PIAS2: variants seen among roughly 807,000 people sequenced by gnomAD.
The protein encoded by PIAS2 is E3 SUMO-protein ligase PIAS2.
A neutral mutation model predicts 69.7 loss-of-function variants in PIAS2; 19 were observed. The ratio of observed to expected loss-of-function variants is 0.27; its 90% CI spans 0.19 to 0.40. The LOEUF (loss-of-function observed/expected upper bound fraction) is 0.40, where lower values mean the gene tolerates loss of function less well. Ranked by LOEUF, PIAS2 falls within the 10% of genes least tolerant of loss-of-function variation. The pLI is 1.00. For synonymous variants in PIAS2, 261 were observed against 263.2 expected, an observed-to-expected ratio of 0.99 and a Z score of 0.08; for missense variants, 624 against 757.0, an observed-to-expected ratio of 0.82 and a Z score of 2.06.
intron 1 of PIAS2, among the ~76,000 whole-genome samples, chr18:46,916,402 T>TA (rs2057899784): frequency 6.7e-5 from 9 of 134,056 alleles, no homozygotes; most frequent in South Asian, 2.3e-4. Flanking sequence ...CTTGATACAT[T>TA]TAAAAAAAAA....
In PIAS2 at chr18:46,836,241, GA is replaced by G. The variant is rs1425590641; in HGVS notation, c.1202+115del. ...AAGACGGAAAACATACAAACATCTG[GA>G]TTTATGCTAGAGTAGAATTTATTTA... On this transcript the variant is annotated intron_variant, in intron 9 of 13. Coordinates refer to ENST00000585916, the MANE Select transcript of PIAS2 (RefSeq NM_004671.5). 6.4e-6 allele frequency: 5 copies of G among 775,688 alleles called. No individual in the cohort carries two copies. In the African/African-American group the frequency reaches 8.6e-5, roughly 13 times the overall value. 48.1% of individuals were successfully genotyped at this position (775,688 alleles called of 1,614,324 possible).
intron 1 of PIAS2, among the ~76,000 whole-genome samples, chr18:46,914,211 C>T (rs1599148463): frequency 6.6e-6 from 1 of 152,272 alleles, no homozygotes; most frequent in Middle Eastern, 3.4e-3. Context: ...TCTTTGAGCA[C>T]ACAGGCCACA....
chr18:46,846,697 G>C lies in PIAS2; in HGVS notation c.861+10C>G, dbSNP rs1283538485. The C allele has an allele frequency of 6.2e-7, 1 of 1,606,866 alleles. No individual in the cohort carries two copies. The highest frequency in any genetic ancestry group is 1.7e-5 in the Admixed American group (1 of 59,106). On this transcript the variant is annotated intron_variant, in intron 6 of 13. Transcript: ENST00000585916. ...TCACTGTCCTGCTACCCAAAACGGA[G>C]AGCTTTTACCTTCCCAATTTCTGAT...
chr18:46,896,144 T>A (rs2054830250), intron 1 of PIAS2, among the ~76,000 whole-genome samples: 3 of 67,668 alleles, frequency 4.4e-5, no homozygotes, highest in Non-Finnish European at 6.0e-5. Flanking sequence ...GGGGAAGCAT[T>A]ACAGGATAAA....
intron 2 of PIAS2, among the ~76,000 whole-genome samples, chr18:46,869,144 T>C (rs546721429): frequency 6.6e-6 from 1 of 152,214 alleles, no homozygotes; most frequent in Non-Finnish European, 1.5e-5. Flanking sequence ...TTATGGCAGA[T>C]TCCTGTTGTG....
chr18:46,910,674 T>G (rs1196200449), intron 1 of PIAS2, among the ~76,000 whole-genome samples: 1 of 152,160 alleles, frequency 6.6e-6, no homozygotes, highest in African/African-American at 2.4e-5. Context: ...CAAAGAAACC[T>G]TTCAGAATGT....
intron 9 of PIAS2, among the ~76,000 whole-genome samples, chr18:46,833,781 T>C (rs2044023194): frequency 6.6e-6 from 1 of 152,194 alleles, no homozygotes; most frequent in Non-Finnish European, 1.5e-5. Context: ...ATGGAACAAA[T>C]AGCAGTTCAG....
intron 11 of PIAS2, among the ~76,000 whole-genome samples, chr18:46,823,960 G>A (rs1466655948): frequency 1.3e-5 from 2 of 152,188 alleles, no homozygotes; most frequent in Non-Finnish European, 2.9e-5. Context: ...ATGGTGAAAT[G>A]ATGGATGTAA....
At position 46,804,921 on chromosome 18, in the gene PIAS2, G is replaced by A. The variant is rs1211962736; in HGVS notation, c.*7512C>T. On this transcript the variant is annotated 3_prime_UTR_variant, in exon 14 of 14. Coordinates refer to ENST00000585916, the MANE Select transcript of PIAS2 (RefSeq NM_004671.5). ...GCAGTAGAGAGGTGAGAGACATGGA[G>A]ATAAGAGAGGGGAAGTCTGACAGAG... The A allele has an allele frequency of 1.3e-5, 2 of 152,302 alleles. No homozygotes were observed. Among genetic ancestry groups the A allele is most frequent in the African/African-American group, 2.4e-5 (1 of 41,464 alleles). The allele number at this position is 152,302 out of a possible 1,614,324, so 9.4% of individuals were successfully genotyped here.
In PIAS2 at chr18:46,803,402, C is replaced by T. The variant is rs2040555598; in HGVS notation, c.*9031G>A. Reference sequence around the variant, plus strand: ...TTCTTGAAATACTCTATTTTTTGGCCTCTGTAATACCACGTTATTTTCCTT... The same window carrying T: ...TTCTTGAAATACTCTATTTTTTGGCTTCTGTAATACCACGTTATTTTCCTT... On this transcript the variant is annotated 3_prime_UTR_variant, in exon 14 of 14. Transcript: ENST00000585916. The T allele has an allele frequency of 6.6e-6, 1 of 152,106 alleles. No homozygotes were observed. The highest frequency in any genetic ancestry group is 2.4e-5 in the African/African-American group (1 of 41,420). The allele number at this position is 152,106 out of a possible 1,614,324, so 9.4% of individuals were successfully genotyped here. A position where few individuals can be genotyped will look rare whatever the true frequency, so the allele number is the denominator to read the frequency against.
At chr18:46,869,663 C>G (rs1170239487) in intron 2 of PIAS2, among the ~76,000 whole-genome samples, 1 of 152,162 alleles carries the variant, frequency 6.6e-6, no homozygotes, top group Non-Finnish European at 1.5e-5. Context: ...CTCATGTTAA[C>G]ATACTGGAGG....
chr18:46,909,028 G>T (rs2056959279), intron 1 of PIAS2, among the ~76,000 whole-genome samples: 2 of 151,882 alleles, frequency 1.3e-5, no homozygotes, highest in East Asian at 3.9e-4. Flanking sequence ...AAATAAAAAT[G>T]ATTTAAAAGT....
intron 12 of PIAS2, chr18:46,818,088 A>C: frequency 2.0e-6 from 2 of 1,012,086 alleles, no homozygotes; most frequent in Non-Finnish European, 2.4e-6. Context: ...AACACTGATA[A>C]AATTTTAATT....
Position 46,890,767 on chromosome 18 carries a change from C to T in PIAS2, c.312G>A (p.Leu104=), listed in dbSNP as rs1450323656. 1 of 1,614,118 alleles carries T rather than the reference C, an allele frequency of 6.2e-7. No individual in the cohort carries two copies. Among genetic ancestry groups the T allele is most frequent in the South Asian group, 1.1e-5 (1 of 91,066 alleles). Residue 104 remains leucine (L), a synonymous_variant, in exon 2 of 14, where the codon TTG becomes TTA. Coordinates refer to ENST00000585916, the MANE Select transcript of PIAS2 (RefSeq NM_004671.5). ...PDLAVAGIHS[L]PSTSVTPHSP... ...AGTGAGGTGTAACTGAAGTGGAAGG[C>T]AACGAGTGGATTCCAGCCACGGCCA...
At chr18:46,829,692 C>A (rs1243850401) in intron 10 of PIAS2, 42 bp downstream of exon 10, 2 of 1,568,576 alleles carry the variant, frequency 1.3e-6, no homozygotes, top group Middle Eastern at 1.7e-4. Context: ...TAATGTTGCA[C>A]GAGTCTCACT....
At chr18:46,882,043 G>A (rs2052355486) in intron 2 of PIAS2, among the ~76,000 whole-genome samples, 1 of 151,902 alleles carries the variant, frequency 6.6e-6, no homozygotes, top group Non-Finnish European at 1.5e-5. Context: ...GTTGCAGTGA[G>A]CCAAGATCCC....
intron 5 of PIAS2, among the ~76,000 whole-genome samples, chr18:46,848,426 A>T (rs1170162968): frequency 6.6e-6 from 1 of 152,202 alleles, no homozygotes; most frequent in African/African-American, 2.4e-5. Context: ...GGTGCAGGCA[A>T]TGATAATACG....
intron 11 of PIAS2, among the ~76,000 whole-genome samples, chr18:46,822,575 A>G (rs1053820065): frequency 6.6e-6 from 1 of 152,204 alleles, no homozygotes; most frequent in Non-Finnish European, 1.5e-5. Flanking sequence ...CTGGAGGAAA[A>G]AGAGAAGTTG....
intron 1 of PIAS2, among the ~76,000 whole-genome samples, chr18:46,896,396 A>AT (rs2054896098): frequency 6.6e-6 from 1 of 152,174 alleles, no homozygotes. Flanking sequence ...GAAGAGGTAT[A>AT]TTGTCTTGCC....
Sources: allele counts gnomAD v4.1 joint callset (sites outside exome capture counted in the v4.1 genomes callset), GRCh38; gene constraint gnomAD v4.1.1; transcripts MANE v1.5; gene names NCBI Gene and HGNC (gene_info 2026-07-23, HGNC 2026-07-21).